Variants in SLCO1A2 observed in about 807,000 individuals in gnomAD.
SLCO1A2 encodes the protein OATP-1.
A neutral mutation model predicts 69.0 loss-of-function variants in SLCO1A2; 67 were observed. That is an observed-to-expected ratio of 0.97 (90% confidence interval 0.80 to 1.19). SLCO1A2 has a LOEUF of 1.19. SLCO1A2 is among the 50% of genes most tolerant of loss of function. The probability of loss-of-function intolerance (pLI) is 0.00; values close to 1 mark genes in which losing one functional copy is unlikely to be tolerated. For missense variants in SLCO1A2, 787 were observed against 793.7 expected, an observed-to-expected ratio of 0.99 and a Z score of 0.10; for synonymous variants, 260 against 265.9, an observed-to-expected ratio of 0.98 and a Z score of 0.22.
intron 12 of SLCO1A2, among the ~76,000 whole-genome samples, chr12:21,275,793 T>C (rs926577983): frequency 6.6e-6 from 1 of 152,000 alleles, no homozygotes; most frequent in African/African-American, 2.4e-5. Flanking sequence ...ATACAAAAAA[T>C]TAGCTGGGTG....
chr12:21,351,714 G>T (rs1937970737), intron 2 of SLCO1A2, among the ~76,000 whole-genome samples: 1 of 151,512 alleles, frequency 6.6e-6, no homozygotes, highest in Non-Finnish European at 1.5e-5. Context: ...GGAGGCAGAG[G>T]TTGCAGTGAG....
At chr12:21,377,026 T>G (rs1180140409) in intron 1 of SLCO1A2, among the ~76,000 whole-genome samples, 1 of 152,128 alleles carries the variant, frequency 6.6e-6, no homozygotes, top group Non-Finnish European at 1.5e-5. Context: ...AAAAATAGAG[T>G]TGGTATACAA....
upstream of SLCO1A2, among the ~76,000 whole-genome samples, chr12:21,337,713 C>T (rs1289401793): frequency 6.6e-6 from 1 of 151,880 alleles, no homozygotes; most frequent in African/African-American, 2.4e-5. Flanking sequence ...TCAACAATGG[C>T]TTTTTGTATT....
chr12:21,388,430 T>C (rs543116771), intron 1 of SLCO1A2, among the ~76,000 whole-genome samples: 2 of 152,262 alleles, frequency 1.3e-5, no homozygotes, highest in African/African-American at 4.8e-5. Flanking sequence ...GCCGTTCTTG[T>C]GATAGTGACA....
At chr12:21,304,638 T>C (rs1339508612) in intron 5 of SLCO1A2, 65 bp from the exon 6 acceptor site, 2 of 1,433,010 alleles carry the variant, frequency 1.4e-6, no homozygotes, top group African/African-American at 1.4e-5. Flanking sequence ...ATATTAATTC[T>C]ATGTTTTCTG....
intron 14 of SLCO1A2, 128 bp from the exon 15 acceptor site, chr12:21,269,895 A>AAGATC: frequency 5.6e-6 from 3 of 539,566 alleles, no homozygotes; most frequent in Non-Finnish European, 8.8e-6. Context: ...GATCTTATAT[A>AAGATC]AGCAACTTTG....
chr12:21,280,254 A>G (rs1308065728), intron 12 of SLCO1A2, among the ~76,000 whole-genome samples: 8 of 152,160 alleles, frequency 5.3e-5, no homozygotes, highest in African/African-American at 1.4e-4. Context: ...TATTTAATGT[A>G]AATAGACTAA....
chr12:21,400,906 T>A (rs1941678149), intron 1 of SLCO1A2, among the ~76,000 whole-genome samples: 1 of 142,502 alleles, frequency 7.0e-6, no homozygotes. Context: ...AGGGATAGCA[T>A]CGGGAGATAT....
At chr12:21,398,269 T>C (rs1941551229), upstream of SLCO1A2, among the ~76,000 whole-genome samples, 1 of 150,550 alleles carries the variant, frequency 6.6e-6, no homozygotes, top group African/African-American at 2.4e-5. Context: ...AACTAGAAAA[T>C]CTAGAAGAAA....
chr12:21,273,458 A>T (rs1943251262), intron 14 of SLCO1A2, among the ~76,000 whole-genome samples: 1 of 152,180 alleles, frequency 6.6e-6, no homozygotes, highest in Non-Finnish European at 1.5e-5. Flanking sequence ...TATTTCTAGA[A>T]TATCTTGGCT....
chr12:21,346,404 G>A (rs966941696), intron 2 of SLCO1A2, among the ~76,000 whole-genome samples: 11 of 152,006 alleles, frequency 7.2e-5, no homozygotes, highest in Admixed American at 2.6e-4. Context: ...TACTGAGCAC[G>A]GGATACAGAT....
chr12:21,415,706 T>C (rs1438321425), intron 1 of SLCO1A2, among the ~76,000 whole-genome samples: 4 of 152,116 alleles, frequency 2.6e-5, no homozygotes, highest in Non-Finnish European at 5.9e-5. Flanking sequence ...TTTTATATTT[T>C]TTCTTTGTCT....
chr12:21,400,821 G>C (rs1941669459), intron 1 of SLCO1A2, among the ~76,000 whole-genome samples: 1 of 141,254 alleles, frequency 7.1e-6, no homozygotes, highest in South Asian at 2.3e-4. Context: ...GGTGGGAATT[G>C]AACAATGAGA....
intron 11 of SLCO1A2, 149 bp from the exon 12 acceptor site, chr12:21,292,485 A>T: frequency 2.1e-6 from 1 of 481,530 alleles, no homozygotes. Flanking sequence ...TACACCATAT[A>T]ACAAAACTGG....
chr12:21,289,184 CTGTGTGTGTGTGTGTGTGTGTG>C (rs10636619), intron 12 of SLCO1A2, among the ~76,000 whole-genome samples: 3 of 136,916 alleles, frequency 2.2e-5, no homozygotes, highest in Non-Finnish European at 3.1e-5. Flanking sequence ...TGGTACCATT[CTGTGTGTGTGTGTGTGTGTGTG>C]TGTGTGTGTG....
At chr12:21,385,789 G>A (rs774977357) in intron 1 of SLCO1A2, among the ~76,000 whole-genome samples, 33 of 152,190 alleles carry the variant, frequency 2.2e-4, no homozygotes, top group Middle Eastern at 3.2e-3. Flanking sequence ...ACAAGACAGG[G>A]AAAGGAGCAA....
Position 21,341,634 on chromosome 12 carries a change from T to C in SLCO1A2, c.-62-6925A>G, listed in dbSNP as rs116931690. Among the ~76,000 whole-genome samples, 577 of 152,200 alleles carry C rather than the reference T, an allele frequency of 3.8e-3. 2 individuals carry two copies. The highest frequency in any genetic ancestry group is 0.014 in the Middle Eastern group (4 of 294). On this transcript the variant is annotated intron_variant, in intron 2 of 15. Transcript: ENST00000307378. The stretch of plus-strand genomic sequence containing the variant: ...TTAGAAAACTGGCCTGAGGCAGCCA[T>C]AATGTTCCTGACTGGAGTCACGAAA...
At chr12:21,298,302 C>G (rs774851420) in intron 8 of SLCO1A2, among the ~76,000 whole-genome samples, 2 of 152,124 alleles carry the variant, frequency 1.3e-5, no homozygotes, top group Non-Finnish European at 2.9e-5. Flanking sequence ...TGGCCTGCCT[C>G]TAGTAATGTT....
intron 4 of SLCO1A2, among the ~76,000 whole-genome samples, chr12:21,310,203 G>T (rs1028844282): frequency 1.3e-5 from 2 of 152,150 alleles, no homozygotes; most frequent in Non-Finnish European, 2.9e-5. Context: ...GACATTGCAC[G>T]TTTGGTTCCA....
Sources: gnomAD v4.1 joint callset for allele counts (sites outside exome capture counted in the v4.1 genomes callset) on GRCh38, gnomAD v4.1.1 for gene constraint, MANE v1.5 for transcripts, NCBI Gene and HGNC (gene_info 2026-07-23, HGNC 2026-07-21) for gene names.